Variants in MFNG observed in about 807,000 individuals in gnomAD.
MFNG encodes the protein beta-1,3-N-acetylglucosaminyltransferase manic fringe.
A neutral mutation model predicts 34.2 loss-of-function variants in MFNG; 24 were observed. The ratio of observed to expected loss-of-function variants is 0.70; its 90% CI spans 0.51 to 0.99. MFNG has a LOEUF of 0.99. Among genes scored for constraint, MFNG ranks in the 50% least tolerant of loss-of-function variants. MFNG has a pLI of 0.00. For synonymous variants in MFNG, 158 were observed against 179.2 expected, an observed-to-expected ratio of 0.88 and a Z score of 0.94; for missense variants, 383 against 424.0, an observed-to-expected ratio of 0.90 and a Z score of 0.85.
At chr22:37,474,378 AT>A (rs1921943960) in intron 6 of MFNG, 133 bp downstream of exon 6, 2 of 1,072,838 alleles carry the variant, frequency 1.9e-6, no homozygotes, top group South Asian at 3.3e-5. Flanking sequence ...CAGTTTCCCC[AT>A]CAATAGGGAA....
Position 37,485,936 on chromosome 22 carries a change from C to T in MFNG, c.242G>A (p.Arg81Lys), listed in dbSNP as rs751847953. ...CCCACTTGTCACCTGTTCCCTGGTC[C>T]TGGAAACCCACGTGTCAAGCAGCAG... Reference protein sequence around the residue: ...LELLLDTWVSRTREQTFVFTD... With the variant: ...LELLLDTWVSKTREQTFVFTD... Residue 81 changes from arginine to lysine, a missense_variant, in exon 1 of 8, where the codon AGG becomes AAG. By Grantham distance (26) the Arg-to-Lys change is conservative. Coordinates refer to ENST00000356998, the MANE Select transcript of MFNG (RefSeq NM_002405.4). This position sits in a 1 kb window ranked among gnomAD's most constrained non-coding sequence, Gnocchi z 5.3. 1.9e-5 allele frequency: 31 copies of T among 1,613,206 alleles called. No homozygotes were observed. The highest frequency in any genetic ancestry group is 2.6e-5 in the Non-Finnish European group (31 of 1,179,542).
At chr22:37,478,908 A>C (rs532528293) in intron 4 of MFNG, among the ~76,000 whole-genome samples, 91 of 152,066 alleles carry the variant, frequency 6.0e-4, no homozygotes, top group African/African-American at 1.9e-3. Flanking sequence ...CGAACTCTTG[A>C]CCTCAGGTCA....
chr22:37,479,034 C>T (rs1445822186), intron 4 of MFNG, among the ~76,000 whole-genome samples: 1 of 152,178 alleles, frequency 6.6e-6, no homozygotes, highest in Non-Finnish European at 1.5e-5. Context: ...TGACTGGGAG[C>T]CCTGCTGTGG....
intron 1 of MFNG, among the ~76,000 whole-genome samples, chr22:37,481,858 A>G (rs1483068288): frequency 1.3e-5 from 2 of 152,176 alleles, no homozygotes; most frequent in Non-Finnish European, 2.9e-5. Flanking sequence ...TCCAACTGCA[A>G]TGCTCCCCTC....
intron 4 of MFNG, among the ~76,000 whole-genome samples, chr22:37,478,259 C>T (rs546679534): frequency 6.6e-6 from 1 of 152,248 alleles, no homozygotes; most frequent in East Asian, 1.9e-4. Context: ...CTGCACCAGG[C>T]ACTGCCTCTA....
chr22:37,480,777 G>A lies in MFNG; in HGVS notation c.256-8C>T. ...GTCGGTGAAGACAAATGTCTAGGAA[G>A]GAGAAGAAGGGGTCAGGACTCACAT... On this transcript the variant is annotated splice_polypyrimidine_tract_variant and splice_region_variant and intron_variant, in intron 1 of 7. Transcript: ENST00000356998. 1 of 1,612,936 alleles carries A rather than the reference G, an allele frequency of 6.2e-7. No homozygotes were observed. The highest frequency in any genetic ancestry group is 8.5e-7 in the Non-Finnish European group (1 of 1,179,558).
intron 3 of MFNG, 126 bp from the exon 4 acceptor site, chr22:37,479,624 C>T (rs1046904851): frequency 2.3e-5 from 28 of 1,241,058 alleles, no homozygotes; most frequent in Non-Finnish European, 3.0e-5. Context: ...ACATTTAAGG[C>T]ATCTGTTTTG....
rs1322610949 is a variant in MFNG at position 37,469,845 on chromosome 22, C to T, written c.*118G>A. ...TCAGATCCTGGGCTTGCCAACCACC[C>T]GAAGGCCCTGCCAGGGACTGCCTAT... On this transcript the variant is annotated 3_prime_UTR_variant, in exon 8 of 8. Transcript: ENST00000356998. 2.3e-6 allele frequency: 2 copies of T among 867,452 alleles called. No homozygotes were observed. The highest frequency in any genetic ancestry group is 3.8e-6 in the Non-Finnish European group (2 of 523,238). 53.7% of individuals were successfully genotyped at this position (867,452 alleles called of 1,614,324 possible). A position where few individuals can be genotyped will look rare whatever the true frequency, so the allele number is the denominator to read the frequency against.
chr22:37,479,260 C>T, intron 4 of MFNG, 85 bp downstream of exon 4: 2 of 1,422,410 alleles, frequency 1.4e-6, no homozygotes, highest in Non-Finnish European at 9.2e-7. Flanking sequence ...CCCCTCTCAC[C>T]TCTCTAGCAC....
intron 5 of MFNG, 38 bp downstream of exon 5, chr22:37,476,858 C>A: frequency 6.5e-7 from 1 of 1,545,098 alleles, no homozygotes; most frequent in South Asian, 1.1e-5. Context: ...CTGCCACCCC[C>A]TCCCCGCCTT....
Position 37,486,001 on chromosome 22 carries a change from T to G in MFNG, c.177A>C (p.Ala59=). ...GGTGGAAAGCCCGGGTCGTCTTCAC[T>G]GCAATGAAGACATCGTGTAGCTGTA... is the stretch of plus-strand genomic sequence containing the variant. ...PKLQLHDVFI[A]VKTTRAFHRL... is the part of the protein sequence containing the mutation. The change falls in exon 1 of 8, where the codon GCA becomes GCC. Residue 59 remains alanine, a synonymous_variant. Transcript: ENST00000356998. 1 of 1,614,078 alleles carries G rather than the reference T, an allele frequency of 6.2e-7. No individual in the cohort carries two copies. The highest frequency in any genetic ancestry group is 8.5e-7 in the Non-Finnish European group (1 of 1,179,970).
intron 7 of MFNG, among the ~76,000 whole-genome samples, chr22:37,471,526 G>A (rs1921803691): frequency 6.6e-6 from 1 of 152,052 alleles, no homozygotes; most frequent in African/African-American, 2.4e-5. Flanking sequence ...GCCACCCCTG[G>A]CCAGAATCAC....
In MFNG at chr22:37,486,158, C is replaced by T. The variant is rs1270826075; in HGVS notation, c.20G>A (p.Arg7Gln). 1 of 1,581,378 alleles carries T rather than the reference C, an allele frequency of 6.3e-7. No homozygotes were observed. The highest frequency in any genetic ancestry group is 2.3e-5 in the East Asian group (1 of 44,020). The change falls in exon 1 of 8, where the codon CGG becomes CAG. Residue 7 changes from arginine to glutamine, a missense_variant. Transcript: ENST00000356998. ...GGTGAGGAGGGCTCCAGCCAGGCCC[C>T]GCGGGAGCCGGCACTGCATTGGTTG... MQCRLP[R>Q]GLAGALLTLL...
intron 2 of MFNG, 130 bp from the exon 3 acceptor site, chr22:37,480,429 T>C (rs1469469172): frequency 1.4e-6 from 1 of 740,140 alleles, no homozygotes; most frequent in African/African-American, 1.8e-5. Flanking sequence ...TTACACATGG[T>C]AGGACTGAGA....
intron 7 of MFNG, 110 bp from the exon 8 acceptor site, chr22:37,470,139 C>A: frequency 1.4e-6 from 1 of 732,776 alleles, no homozygotes; most frequent in Non-Finnish European, 2.4e-6. Context: ...GGTTTCTCTA[C>A]CTCAACACCA....
intron 4 of MFNG, among the ~76,000 whole-genome samples, chr22:37,478,521 C>A (rs1304432420): frequency 1.3e-5 from 2 of 152,156 alleles, no homozygotes; most frequent in African/African-American, 4.8e-5. Flanking sequence ...GGAACTGAGG[C>A]GGGTACAGAG....
chr22:37,479,700 G>A (rs1005472028), intron 3 of MFNG, among the ~76,000 whole-genome samples: 2 of 152,082 alleles, frequency 1.3e-5, no homozygotes, highest in African/African-American at 4.8e-5. Context: ...GACCAAGACT[G>A]AGAGGTTAAG....
chr22:37,471,964 G>A (rs530654307), intron 7 of MFNG, among the ~76,000 whole-genome samples: 48 of 151,722 alleles, frequency 3.2e-4, no homozygotes, highest in Admixed American at 1.9e-3. Flanking sequence ...CCATCTCCCC[G>A]TGGCCAGTTC....
chr22:37,482,640 T>C lies in MFNG; in HGVS notation c.256-1871A>G, dbSNP rs1178757758. ...GTTCCTCAGCCCTCTGTTTCTCCTG[T>C]CACTAACAGCAGTTAGCAAAACTCC... is the stretch of plus-strand genomic sequence containing the variant. On this transcript the variant is annotated intron_variant, in intron 1 of 7. Transcript: ENST00000356998. This position sits in a 1 kb window ranked among gnomAD's most constrained non-coding sequence, Gnocchi z 4.1. Among the ~76,000 whole-genome samples the C allele has an allele frequency of 2.0e-5, 3 of 152,108 alleles. No homozygotes were observed. Among genetic ancestry groups the C allele is most frequent in the African/African-American group, 7.2e-5 (3 of 41,404 alleles).
Sources: allele counts gnomAD v4.1 joint callset (sites outside exome capture counted in the v4.1 genomes callset), GRCh38; gene constraint gnomAD v4.1.1; non-coding constraint Gnocchi (gnomAD v3.1); transcripts MANE v1.5; gene names NCBI Gene and HGNC (gene_info 2026-07-23, HGNC 2026-07-21).